Variants in SPATA13 observed in about 807,000 individuals in gnomAD.
SPATA13 encodes the protein spermatogenesis-associated protein 13.
A neutral mutation model predicts 104.0 loss-of-function variants in SPATA13; 50 were observed. The observed-to-expected ratio is 0.48, with a 90% CI of 0.38 to 0.61. The LOEUF is 0.61. Ranked by LOEUF, SPATA13 falls within the 20% of genes least tolerant of loss-of-function variation. The pLI, the probability that SPATA13 is intolerant of heterozygous loss-of-function variation, is 0.00. For synonymous variants in SPATA13, 606 were observed against 667.5 expected (o/e 0.91, Z 1.42); for missense variants, 1,524 against 1,690.6 (o/e 0.90, Z 1.73).
At chr13:24,122,746 C>A in intron 3 of SPATA13, 1 of 848,612 alleles carries the variant, frequency 1.2e-6, no homozygotes, top group Admixed American at 1.7e-5. Context: ...TCAAAGCCAT[C>A]TTGCTGGAAG....
In SPATA13 at chr13:24,302,443, CAGTA is replaced by C. The variant is rs1487066074; in HGVS notation, c.3659-152_3659-149del. 9.1e-6 allele frequency: 5 copies of C among 551,726 alleles called. No individual in the cohort carries two copies. The African/African-American group carries it at 1.0e-4, about 11-fold the overall frequency. The allele number at this position is 551,726 out of a possible 1,614,324, so 34.2% of individuals were successfully genotyped here. A position where few individuals can be genotyped will look rare whatever the true frequency, so the allele number is the denominator to read the frequency against. ...CACCACTGCACTCCAGCCTGGGTGA[CAGTA>C]AGACCCTGTCTCAAAAAAAAAAAAA... On this transcript the variant is annotated intron_variant, in intron 12 of 12. Transcript: ENST00000382108.
chr13:24,278,830 A>T (rs1165939029), intron 4 of SPATA13: 2 of 1,591,586 alleles, frequency 1.3e-6, no homozygotes, highest in Admixed American at 1.8e-5. Context: ...AGGCAAGTTC[A>T]TCTGACCCCA....
At chr13:24,018,913 G>A (rs1555254564) in intron 3 of SPATA13, among the ~76,000 whole-genome samples, 2 of 152,138 alleles carry the variant, frequency 1.3e-5, no homozygotes, top group Non-Finnish European at 2.9e-5. Context: ...GACAAAGTAT[G>A]AAAAACTTAA....
chr13:24,045,927 C>T (rs1878128097), intron 3 of SPATA13, among the ~76,000 whole-genome samples: 1 of 152,192 alleles, frequency 6.6e-6, no homozygotes, highest in African/African-American at 2.4e-5. Context: ...GTACCCACCT[C>T]AATGGGCAAT....
intron 2 of SPATA13, among the ~76,000 whole-genome samples, chr13:23,996,026 A>G (rs1251687092): frequency 3.3e-5 from 5 of 152,242 alleles, no homozygotes; most frequent in Non-Finnish European, 7.3e-5. Flanking sequence ...CAGGTTGCTC[A>G]TTCCAGAAGA....
intron 3 of SPATA13, among the ~76,000 whole-genome samples, chr13:24,072,905 T>G (rs1297200816): frequency 7.0e-6 from 1 of 142,976 alleles, no homozygotes; most frequent in Non-Finnish European, 1.5e-5. Context: ...CTAAACCTAA[T>G]GCACAGATGA....
chr13:24,101,768 T>C (rs1880264388), intron 3 of SPATA13, among the ~76,000 whole-genome samples: 1 of 152,252 alleles, frequency 6.6e-6, no homozygotes, highest in East Asian at 1.9e-4. Flanking sequence ...TCATGTAGCT[T>C]AATGTCCTCA....
At chr13:24,148,699 C>T (rs1045351832) in intron 3 of SPATA13, among the ~76,000 whole-genome samples, 7 of 152,190 alleles carry the variant, frequency 4.6e-5, no homozygotes, top group African/African-American at 1.4e-4. Flanking sequence ...CTTATGCCTA[C>T]AACTGTTGGC....
At chr13:24,000,227 T>TG (rs1875891383) in intron 2 of SPATA13, among the ~76,000 whole-genome samples, 1 of 152,212 alleles carries the variant, frequency 6.6e-6, no homozygotes, top group Non-Finnish European at 1.5e-5. Flanking sequence ...GGGCTTGACC[T>TG]GGCCTAGGGG....
intron 2 of SPATA13, among the ~76,000 whole-genome samples, chr13:23,990,664 C>T (rs540210211): frequency 6.6e-6 from 1 of 152,338 alleles, no homozygotes; most frequent in South Asian, 2.1e-4. Flanking sequence ...CTATAATTGT[C>T]TACTTCCTTG....
intron 3 of SPATA13, among the ~76,000 whole-genome samples, chr13:24,046,247 C>T (rs1878138062): frequency 1.3e-5 from 2 of 151,548 alleles, no homozygotes; most frequent in South Asian, 4.2e-4. Context: ...AATTTCCCAT[C>T]CTAGGAAGTT....
intron 4 of SPATA13, among the ~76,000 whole-genome samples, chr13:24,277,985 C>G (rs1278632557): frequency 6.6e-6 from 1 of 152,004 alleles, no homozygotes; most frequent in African/African-American, 2.4e-5. Flanking sequence ...ACTTTAAAAT[C>G]GTGAAAGTAG....
chr13:24,015,668 C>T (rs1004906879), intron 2 of SPATA13, among the ~76,000 whole-genome samples: 6 of 152,178 alleles, frequency 3.9e-5, no homozygotes, highest in African/African-American at 1.4e-4. Context: ...CCTGCCATCC[C>T]CTAGAAGGTC....
intron 10 of SPATA13, among the ~76,000 whole-genome samples, chr13:24,295,270 T>C (rs1448254165): frequency 6.6e-6 from 1 of 152,110 alleles, no homozygotes; most frequent in Non-Finnish European, 1.5e-5. Context: ...TCTTATAAAT[T>C]GGGGAGGAAA....
chr13:23,987,067 C>T (rs940306830), intron 2 of SPATA13, among the ~76,000 whole-genome samples: 2 of 147,232 alleles, frequency 1.4e-5, no homozygotes, highest in African/African-American at 5.0e-5. Flanking sequence ...GCAGGCCTAC[C>T]CCATAGGCAG....
intron 2 of SPATA13, among the ~76,000 whole-genome samples, chr13:23,999,907 C>T (rs1036977543): frequency 6.6e-6 from 1 of 152,216 alleles, no homozygotes; most frequent in Non-Finnish European, 1.5e-5. Context: ...GTTAATATTA[C>T]TGGCCAAATA....
At chr13:24,228,840 C>T (rs1872098997) in intron 2 of SPATA13, among the ~76,000 whole-genome samples, 2 of 152,132 alleles carry the variant, frequency 1.3e-5, no homozygotes, top group South Asian at 4.1e-4. Flanking sequence ...TTATAATGTA[C>T]TTTCAATAGG....
At chr13:24,038,124 A>G (rs1877779171) in intron 3 of SPATA13, among the ~76,000 whole-genome samples, 1 of 152,030 alleles carries the variant, frequency 6.6e-6, no homozygotes, top group Non-Finnish European at 1.5e-5. Flanking sequence ...CGTGTTAGCC[A>G]GGATGGTCTC....
At chr13:24,191,343 G>C (rs1331272774) in intron 1 of SPATA13, among the ~76,000 whole-genome samples, 1 of 151,814 alleles carries the variant, frequency 6.6e-6, no homozygotes, top group Non-Finnish European at 1.5e-5. Context: ...GTAGACTACA[G>C]TATAATGTAC....
Sources: allele counts gnomAD v4.1 joint callset (sites outside exome capture counted in the v4.1 genomes callset), GRCh38; gene constraint gnomAD v4.1.1; transcripts MANE v1.5; gene names NCBI Gene and HGNC (gene_info 2026-07-23, HGNC 2026-07-21).